USP47: variants seen among roughly 807,000 people sequenced by gnomAD.
USP47 encodes the protein ubiquitin specific peptidase 47.
USP47 carries 35 observed loss-of-function variants against 165.1 expected under a neutral mutation model. The ratio of observed to expected loss-of-function variants is 0.21; its 90% confidence interval spans 0.16 to 0.28. The LOEUF (loss-of-function observed/expected upper bound fraction) is 0.28, where lower values mean the gene tolerates loss of function less well. Ranked by LOEUF, USP47 falls within the 10% of genes least tolerant of loss-of-function variation. The probability of loss-of-function intolerance (pLI) is 1.00; values close to 1 mark genes in which losing one functional copy is unlikely to be tolerated. For synonymous variants in USP47, 531 were observed against 544.5 expected, an observed-to-expected ratio of 0.98 and a Z score of 0.35; for missense variants, 1,277 against 1,607.4, an observed-to-expected ratio of 0.79 and a Z score of 3.52.
intron 2 of USP47, 136 bp downstream of exon 2, chr11:11,880,516 G>C: frequency 1.7e-6 from 1 of 573,942 alleles, no homozygotes. Flanking sequence ...CCTATGTGCA[G>C]CTCAGTAATT....
intron 22 of USP47, 26 bp downstream of exon 22, chr11:11,948,584 T>G (rs757080158): frequency 6.6e-7 from 1 of 1,523,008 alleles, no homozygotes; most frequent in East Asian, 2.3e-5. Flanking sequence ...AAGAATAATA[T>G]AAGGTTACTT....
intron 8 of USP47, among the ~76,000 whole-genome samples, chr11:11,917,310 A>T (rs1853493672): frequency 6.6e-6 from 1 of 152,166 alleles, no homozygotes; most frequent in Non-Finnish European, 1.5e-5. Context: ...GACAAGTTTG[A>T]ATATTCAGGA....
chr11:11,867,523 A>G (rs1008128753), intron 1 of USP47, among the ~76,000 whole-genome samples: 1 of 152,016 alleles, frequency 6.6e-6, no homozygotes, highest in African/African-American at 2.4e-5. Context: ...TTTAATTTCT[A>G]TTATTTTCTA....
At chr11:11,913,092 G>T (rs1002180910) in intron 8 of USP47, among the ~76,000 whole-genome samples, 2 of 151,954 alleles carry the variant, frequency 1.3e-5, no homozygotes, top group African/African-American at 4.8e-5. Flanking sequence ...TGGCACGCTT[G>T]TCTAGGCAAG....
At position 11,843,066 on chromosome 11, in the gene USP47, C is replaced by T. The variant is rs569402657; in HGVS notation, c.39+842C>T. On this transcript the variant is annotated intron_variant, in intron 1 of 27. Coordinates refer to ENST00000527733, the MANE Select transcript of USP47 (RefSeq NM_001282659.2). ...GGCGTATTCAAATGTGTATTTTTAA[C>T]TGGCTGATCATCAGGCTAATGCTTT... Among the ~76,000 whole-genome samples the T allele has an allele frequency of 4.6e-4, 70 of 152,238 alleles. No individual in the cohort carries two copies. The South Asian group carries it at 5.0e-3, about 11-fold the overall frequency.
chr11:11,862,451 T>G (rs1849438277), intron 1 of USP47, among the ~76,000 whole-genome samples: 1 of 152,144 alleles, frequency 6.6e-6, no homozygotes, highest in Non-Finnish European at 1.5e-5. Flanking sequence ...TTGTTGTGTC[T>G]TTATGATTTT....
rs762275569 is a variant in USP47 at position 11,956,141 on chromosome 11, A to T, written c.4034A>T (p.Asp1345Val). 24 of 1,613,996 alleles carry T rather than the reference A, an allele frequency of 1.5e-5. 3 individuals are homozygous for T. The South Asian group carries it at 2.6e-4, about 18-fold the overall frequency. The change falls in exon 28 of 28, where the codon GAT (aspartate) becomes GTT (valine). Residue 1345 changes from aspartate to valine, a missense_variant. Around this residue, in one of 4 missense-constraint regions of USP47, gnomAD observed 909 missense variants for 1,068.1 expected, o/e 0.85. Coordinates refer to ENST00000527733, the MANE Select transcript of USP47 (RefSeq NM_001282659.2). ...GAGAAAGCACTAAAAATATATCTGG[A>T]TGGAGCACCAAATAAAGATCTGACT... The part of the protein sequence containing the change: ...RKEKALKIYL[D>V]GAPNKDLTQD
chr11:11,929,171 T>G (rs1854474182), intron 11 of USP47, among the ~76,000 whole-genome samples: 1 of 152,110 alleles, frequency 6.6e-6, no homozygotes, highest in Admixed American at 6.6e-5. Flanking sequence ...ATATGTAAGT[T>G]TATATTTACA....
At chr11:11,842,844 T>C (rs1483041069) in intron 1 of USP47, among the ~76,000 whole-genome samples, 4 of 150,748 alleles carry the variant, frequency 2.7e-5, no homozygotes, top group African/African-American at 2.4e-5. Flanking sequence ...GAACTCTTTT[T>C]TTTTTTTTTT....
chr11:11,908,863 T>C (rs61870728), intron 8 of USP47, among the ~76,000 whole-genome samples: 2,561 of 152,314 alleles, frequency 0.017, 34 homozygotes, highest in Middle Eastern at 0.034. Flanking sequence ...TCAATACTAG[T>C]CTGTAAAAGG....
At chr11:11,867,024 A>G (rs781061563) in intron 1 of USP47, among the ~76,000 whole-genome samples, 35 of 152,050 alleles carry the variant, frequency 2.3e-4, no homozygotes, top group Non-Finnish European at 1.6e-4. Context: ...CAGCCTCCCA[A>G]GTAGTTGGGA....
At chr11:11,946,334 T>C (rs76257596) in intron 20 of USP47, among the ~76,000 whole-genome samples, 1,969 of 152,322 alleles carry the variant, frequency 0.013, 38 homozygotes, top group African/African-American at 0.045. Flanking sequence ...CCAGAACCAG[T>C]TGGTCATAAT....
rs1166133229 is a variant in USP47, at chr11:11,940,661, A to T, written c.2313+113A>T. 2.5e-6 allele frequency: 3 copies of T among 1,209,600 alleles called. No homozygotes were observed. In the African/African-American group the frequency reaches 4.6e-5, roughly 19 times the overall value. The allele number at this position is 1,209,600 out of a possible 1,614,324, so 74.9% of individuals were successfully genotyped here. ...CTGTTCAACATCTGTCTGGAACTTA[A>T]TTTAAAATTCTCAACCCAGTAATTA... On this transcript the variant is annotated intron_variant, in intron 19 of 27. Coordinates refer to ENST00000527733, the MANE Select transcript of USP47 (RefSeq NM_001282659.2).
At chr11:11,922,511 G>A (rs1853907034) in intron 10 of USP47, among the ~76,000 whole-genome samples, 2 of 151,832 alleles carry the variant, frequency 1.3e-5, no homozygotes, top group Non-Finnish European at 2.9e-5. Flanking sequence ...AGAATTTTAA[G>A]GACATGATAG....
At chr11:11,873,704 CA>C in intron 1 of USP47, 1 of 631,612 alleles carries the variant, frequency 1.6e-6, no homozygotes, top group Non-Finnish European at 2.3e-6. Context: ...TATTTTATTG[CA>C]AAAATGTTTT....
rs764627105 is a variant in USP47 at position 11,955,130 on chromosome 11, T to C, written c.3859T>C (p.Tyr1287His). ...KVSTLNVWPL[Y>H]ICDDGAVIFY... is the part of the protein sequence containing the mutation. ...TTCTACCCTGAATGTCTGGCCTCTT[T>C]ATATCTGTGATGATGGTGCGGTCAT... The change falls in exon 27 of 28, where the codon TAT becomes CAT. Residue 1287 changes from tyrosine (Y) to histidine (H), a missense_variant. This residue lies in a region of USP47 where 909 missense variants were observed against 1,068.1 expected (regional missense o/e 0.85). Coordinates refer to ENST00000527733, the MANE Select transcript of USP47 (RefSeq NM_001282659.2). The C allele has an allele frequency of 2.4e-5, 39 of 1,613,832 alleles. No individual in the cohort carries two copies. The highest frequency in any genetic ancestry group is 3.2e-5 in the Non-Finnish European group (38 of 1,179,942).
intron 24 of USP47, chr11:11,951,876 A>G (rs936903881): frequency 6.6e-6 from 1 of 152,152 alleles, no homozygotes; most frequent in East Asian, 1.9e-4. Flanking sequence ...GTGCCTGGGT[A>G]AGTCAGGAAG....
At chr11:11,946,010 A>G (rs921483892) in intron 20 of USP47, among the ~76,000 whole-genome samples, 6 of 152,084 alleles carry the variant, frequency 3.9e-5, no homozygotes, top group African/African-American at 9.7e-5. Flanking sequence ...ACCAAAAAGG[A>G]AAATCATAAA....
At chr11:11,936,631 A>G (rs1855093749) in intron 17 of USP47, 121 bp downstream of exon 17, 2 of 808,752 alleles carry the variant, frequency 2.5e-6, no homozygotes, top group Non-Finnish European at 3.6e-6. Flanking sequence ...AATGTAGAAT[A>G]ATTTTGACAG....
Sources: allele counts gnomAD v4.1 joint callset (sites outside exome capture counted in the v4.1 genomes callset), GRCh38; gene constraint gnomAD v4.1.1; regional missense constraint gnomAD v4.1.1; transcripts MANE v1.5; gene names NCBI Gene and HGNC (gene_info 2026-07-23, HGNC 2026-07-21).